SYCP1: variants seen among roughly 807,000 people sequenced by gnomAD.
SYCP1 encodes the protein cancer/testis antigen 8.
SYCP1 carries 64 observed loss-of-function variants against 153.1 expected under a neutral mutation model. That is an observed-to-expected ratio of 0.42 (90% confidence interval 0.34 to 0.51). The LOEUF (loss-of-function observed/expected upper bound fraction) is 0.51. Ranked by LOEUF, SYCP1 falls within the 20% of genes least tolerant of loss-of-function variation. The pLI is 0.06. For missense variants in SYCP1, 997 were observed against 1,049.0 expected (o/e 0.95, Z 0.68); for synonymous variants, 384 against 341.8 (o/e 1.12, Z -1.36).
chr1:114,959,878 A>T (rs574612238), intron 27 of SYCP1, among the ~76,000 whole-genome samples: 1 of 152,148 alleles, frequency 6.6e-6, no homozygotes, highest in African/African-American at 2.4e-5. Flanking sequence ...ACTTAACATA[A>T]TGACCTCCAG....
chr1:114,863,991 A>G (rs1570653451), intron 8 of SYCP1, among the ~76,000 whole-genome samples: 2 of 145,144 alleles, frequency 1.4e-5, no homozygotes, highest in African/African-American at 2.5e-5. Flanking sequence ...GGGCAGGGGG[A>G]GGGAGAGCAT....
chr1:114,924,524 G>A (rs1483900776), intron 21 of SYCP1, among the ~76,000 whole-genome samples: 1 of 152,284 alleles, frequency 6.6e-6, no homozygotes, highest in Non-Finnish European at 1.5e-5. Flanking sequence ...CTTCCTGAAA[G>A]AAGTCACATT....
chr1:114,989,090 C>T (rs1673732854), intron 30 of SYCP1, among the ~76,000 whole-genome samples: 1 of 151,908 alleles, frequency 6.6e-6, no homozygotes, highest in Non-Finnish European at 1.5e-5. Context: ...TCATTTGAGC[C>T]TGGGAGGTCA....
chr1:114,857,859 T>C (rs574453324), intron 5 of SYCP1, among the ~76,000 whole-genome samples: 135 of 152,210 alleles, frequency 8.9e-4, no homozygotes, highest in Non-Finnish European at 1.5e-3. Context: ...TGATTTTAGT[T>C]ATAAAAATAT....
chr1:114,979,872 A>T (rs1673040358), intron 28 of SYCP1, among the ~76,000 whole-genome samples: 1 of 151,866 alleles, frequency 6.6e-6, no homozygotes, highest in Non-Finnish European at 1.5e-5. Flanking sequence ...AGAAAAGACC[A>T]TATGATGTAC....
chr1:114,909,531 C>T (rs958835874), intron 16 of SYCP1, among the ~76,000 whole-genome samples: 10 of 144,462 alleles, frequency 6.9e-5, no homozygotes, highest in African/African-American at 2.6e-4. Context: ...CACACACACA[C>T]ACACGTTTAT....
chr1:114,952,025 T>C (rs1288221128), intron 27 of SYCP1, among the ~76,000 whole-genome samples: 1 of 152,220 alleles, frequency 6.6e-6, no homozygotes, highest in Non-Finnish European at 1.5e-5. Context: ...CAAGTAGTAT[T>C]CTGTGGTATG....
rs928000743 is a variant in SYCP1, at chr1:114,855,652, G to A, written c.108+80G>A. 3.3e-4 allele frequency: 381 copies of A among 1,144,244 alleles called. 4 individuals are homozygous for A. The highest frequency in any genetic ancestry group is 3.9e-4 in the South Asian group (26 of 67,272). 70.9% of individuals were successfully genotyped at this position (1,144,244 alleles called of 1,614,324 possible). The stretch of plus-strand genomic sequence containing the variant: ...AAAAGTGTACTTTCTTCCTGGTGGT[G>A]TTTTATAATTATTTCTTCTCAATAA... On this transcript the variant is annotated intron_variant, in intron 2 of 31. Transcript: ENST00000369522.
At chr1:114,916,215 C>T (rs1157837151) in intron 20 of SYCP1, among the ~76,000 whole-genome samples, 1 of 151,990 alleles carries the variant, frequency 6.6e-6, no homozygotes, top group African/African-American at 2.4e-5. Context: ...TTTTAATGCC[C>T]ATCTACCAGT....
chr1:114,872,030 T>A (rs1454836081), intron 8 of SYCP1, among the ~76,000 whole-genome samples: 7 of 145,072 alleles, frequency 4.8e-5, no homozygotes, highest in African/African-American at 1.8e-4. Flanking sequence ...TTGGCAGAGA[T>A]GGGGTCTTGC....
chr1:114,933,624 C>T (rs894514133), intron 23 of SYCP1, among the ~76,000 whole-genome samples: 6 of 152,204 alleles, frequency 3.9e-5, no homozygotes, highest in Middle Eastern at 3.4e-3. Context: ...GGAGGATGTT[C>T]GAACCCATTG....
rs367804036 is a variant in SYCP1, at chr1:114,951,070, C to T, written c.2322+3750C>T. ...CAATCTCCTGACCTTGTGATCCGCC[C>T]GCCTCAGCCCCCCAAAGTGCTGGGA... On this transcript the variant is annotated intron_variant, in intron 27 of 31. Coordinates refer to ENST00000369522, the MANE Select transcript of SYCP1 (RefSeq NM_003176.4). Among the ~76,000 whole-genome samples, 31 of 152,094 alleles carry T rather than the reference C, an allele frequency of 2.0e-4. No individual in the cohort carries two copies. The East Asian group carries it at 4.1e-3, about 20-fold the overall frequency.
chr1:114,942,373 C>T (rs918131361), intron 23 of SYCP1, among the ~76,000 whole-genome samples: 13 of 151,824 alleles, frequency 8.6e-5, no homozygotes, highest in Non-Finnish European at 1.9e-4. Context: ...CAAGAACACT[C>T]GGACATTTAA....
intron 23 of SYCP1, among the ~76,000 whole-genome samples, chr1:114,929,644 T>G (rs360593): frequency 0.5 from 75,218 of 151,682 alleles, 19,942 homozygotes; most frequent in Middle Eastern, 0.61. Flanking sequence ...AATGATAAAG[T>G]TGTCAATTCA....
At chr1:114,957,166 G>C (rs780748478) in intron 27 of SYCP1, among the ~76,000 whole-genome samples, 3 of 152,140 alleles carry the variant, frequency 2.0e-5, no homozygotes, top group Non-Finnish European at 2.9e-5. Context: ...CTGGGTTCAA[G>C]AGATCCTGTG....
At position 114,926,520 on chromosome 1, in the gene SYCP1, A is replaced by T. The variant is rs1335624073; in HGVS notation, c.1883A>T (p.Lys628Ile). ...TAACAGAATAAGGCCTTGAAAAAAAAAGGTACAGCAGAAAGCAAGCAACTG... is the reference window on the plus strand; with the variant it reads ...TAACAGAATAAGGCCTTGAAAAAAATAGGTACAGCAGAAAGCAAGCAACTG... ...LQQENKALKK[K>I]GTAESKQLNV... Residue 628 changes from lysine to isoleucine, a missense_variant, in exon 23 of 32, where the codon AAA becomes ATA. Physicochemically the swap from Lys to Ile is moderately radical, Grantham distance 102. Around this residue, in one of 2 missense-constraint regions of SYCP1, gnomAD observed 712 missense variants for 682.9 expected, o/e 1.04. Coordinates refer to ENST00000369522, the MANE Select transcript of SYCP1 (RefSeq NM_003176.4). 2.5e-6 allele frequency: 4 copies of T among 1,593,224 alleles called. No homozygotes were observed. In the East Asian group the frequency reaches 6.8e-5, roughly 27 times the overall value.
At chr1:114,878,549 A>G (rs941908251) in intron 12 of SYCP1, among the ~76,000 whole-genome samples, 10 of 151,930 alleles carry the variant, frequency 6.6e-5, no homozygotes, top group Admixed American at 6.6e-5. Context: ...TAATAATATT[A>G]TTTTTGTTTT....
chr1:114,891,029 C>T (rs1309921748), intron 15 of SYCP1, among the ~76,000 whole-genome samples: 1 of 152,112 alleles, frequency 6.6e-6, no homozygotes, highest in Non-Finnish European at 1.5e-5. Context: ...CTTTATTCAT[C>T]CCCCCTTGCT....
intron 12 of SYCP1, among the ~76,000 whole-genome samples, chr1:114,881,500 TATCCTTCCTTCC>T (rs1017744675): frequency 3.0e-5 from 2 of 66,868 alleles, no homozygotes; most frequent in African/African-American, 8.7e-5. Flanking sequence ...TGGAAGGTAT[TATCCTTCCTTCC>T]TTCCTTCCTT....
Sources: allele counts gnomAD v4.1 joint callset (sites outside exome capture counted in the v4.1 genomes callset), GRCh38; gene constraint gnomAD v4.1.1; regional missense constraint gnomAD v4.1.1; transcripts MANE v1.5; gene names NCBI Gene and HGNC (gene_info 2026-07-23, HGNC 2026-07-21).